MRRF: variants seen among roughly 807,000 people sequenced by gnomAD.
MRRF encodes the protein ribosome-recycling factor, mitochondrial.
A neutral mutation model predicts 25.1 loss-of-function variants in MRRF; 18 were observed. That is an observed-to-expected ratio of 0.72 (90% CI 0.50 to 1.06). The LOEUF (loss-of-function observed/expected upper bound fraction) is 1.06. Ranked by LOEUF, MRRF falls within the 50% of genes least tolerant of loss-of-function variation. The pLI is 0.00. For missense variants in MRRF, 323 were observed against 319.3 expected, an observed-to-expected ratio of 1.01 and a Z score of -0.09; for synonymous variants, 113 against 112.1, an observed-to-expected ratio of 1.01 and a Z score of -0.05.
Position 122,331,168 on chromosome 9 carries a change from G to A in MRRF, c.*8551G>A, listed in dbSNP as rs1373207573. ...TTCTCTGGTTTCCAATGAGGCCAGAGAACCTGTGCTGATCCCTAACATCTT... is the reference window on the plus strand; with the variant it reads ...TTCTCTGGTTTCCAATGAGGCCAGAAAACCTGTGCTGATCCCTAACATCTT... On this transcript the variant is annotated 3_prime_UTR_variant, in exon 7 of 7. Transcript: ENST00000344641. 4 of 152,198 alleles carry A rather than the reference G, an allele frequency of 2.6e-5. No individual in the cohort carries two copies. Among genetic ancestry groups the A allele is most frequent in the Admixed American group, 2.0e-4 (3 of 15,284 alleles). 9.4% of individuals were successfully genotyped at this position (152,198 alleles called of 1,614,324 possible).
rs56124997 is a variant in MRRF at position 122,323,576 on chromosome 9, C to T, written c.*959C>T. ...ACATACCTTTCCTGCAGGGCCTGCC[C>T]ATTGTTGACAGACAAGTAGTTTATT... On this transcript the variant is annotated 3_prime_UTR_variant, in exon 7 of 7. Coordinates refer to ENST00000344641, the MANE Select transcript of MRRF (RefSeq NM_138777.5). The T allele has an allele frequency of 6.6e-6, 1 of 152,180 alleles. No homozygotes were observed. Among genetic ancestry groups the T allele is most frequent in the African/African-American group, 2.4e-5 (1 of 41,434 alleles). The allele number at this position is 152,180 out of a possible 1,614,324, so 9.4% of individuals were successfully genotyped here.
chr9:122,316,201 T>C (rs1212015418), intron 6 of MRRF, among the ~76,000 whole-genome samples: 1 of 152,108 alleles, frequency 6.6e-6, no homozygotes, highest in African/African-American at 2.4e-5. Flanking sequence ...TTTTATTTAT[T>C]TTTTATTTTT....
At chr9:122,281,418 C>T (rs531747947) in intron 3 of MRRF, among the ~76,000 whole-genome samples, 35 of 152,302 alleles carry the variant, frequency 2.3e-4, no homozygotes, top group Non-Finnish European at 2.2e-4. Context: ...AGAAATATTT[C>T]GCTCTTAAGA....
chr9:122,289,717 A>G (rs1325681305), intron 4 of MRRF, among the ~76,000 whole-genome samples: 1 of 152,030 alleles, frequency 6.6e-6, no homozygotes, highest in Admixed American at 6.6e-5. Flanking sequence ...ATTCCAAATT[A>G]AATTTGGCTA....
rs1226621719 is a variant in MRRF at position 122,324,910 on chromosome 9, C to G, written c.*2293C>G. ...CAGCCCTAAGTGGTCATCACATGATCAGAAGTCAGCTGGGGGAAGAGCAGG... is the reference window on the plus strand; with the variant it reads ...CAGCCCTAAGTGGTCATCACATGATGAGAAGTCAGCTGGGGGAAGAGCAGG... On this transcript the variant is annotated 3_prime_UTR_variant, in exon 7 of 7. Coordinates refer to ENST00000344641, the MANE Select transcript of MRRF (RefSeq NM_138777.5). The G allele has an allele frequency of 6.6e-6, 1 of 152,176 alleles. No homozygotes were observed. The highest frequency in any genetic ancestry group is 1.5e-5 in the Non-Finnish European group (1 of 68,056). The allele number at this position is 152,176 out of a possible 1,614,324, so 9.4% of individuals were successfully genotyped here.
intron 5 of MRRF, among the ~76,000 whole-genome samples, chr9:122,301,662 A>G (rs952641454): frequency 3.9e-5 from 6 of 152,012 alleles, no homozygotes; most frequent in Non-Finnish European, 7.4e-5. Flanking sequence ...GAGAGTTAAT[A>G]CTATTTTTTA....
chr9:122,309,312 A>G (rs192043446), intron 5 of MRRF, among the ~76,000 whole-genome samples: 3 of 152,306 alleles, frequency 2.0e-5, no homozygotes, highest in African/African-American at 4.8e-5. Flanking sequence ...CAGTGGATCT[A>G]CTAAGACCTA....
intron 5 of MRRF, among the ~76,000 whole-genome samples, chr9:122,306,294 G>A (rs964335335): frequency 1.3e-5 from 2 of 152,156 alleles, no homozygotes; most frequent in African/African-American, 2.4e-5. Flanking sequence ...TGACAGTTGA[G>A]GAAATAACAG....
intron 4 of MRRF, among the ~76,000 whole-genome samples, chr9:122,290,218 T>C (rs909083897): frequency 6.6e-6 from 1 of 152,142 alleles, no homozygotes; most frequent in Non-Finnish European, 1.5e-5. Context: ...AACTGGAAGT[T>C]TGATGGATGG....
At chr9:122,271,142 G>A (rs1832433002) in intron 2 of MRRF, 67 bp downstream of exon 2, 1 of 1,349,334 alleles carries the variant, frequency 7.4e-7, no homozygotes, top group Admixed American at 1.7e-5. Flanking sequence ...ATTATAGCTG[G>A]CAGGTATCTC....
At chr9:122,266,805 T>C (rs1832122191) in intron 1 of MRRF, among the ~76,000 whole-genome samples, 1 of 152,138 alleles carries the variant, frequency 6.6e-6, no homozygotes, top group Non-Finnish European at 1.5e-5. Flanking sequence ...TTTAAAAAAA[T>C]ATTTCAGTCT....
chr9:122,266,361 C>G (rs1451752282), intron 1 of MRRF, among the ~76,000 whole-genome samples: 1 of 152,176 alleles, frequency 6.6e-6, no homozygotes, highest in Non-Finnish European at 1.5e-5. Flanking sequence ...AAGCCGTCCT[C>G]TGAGGAAGTG....
chr9:122,306,395 T>C (rs929729701), intron 5 of MRRF, among the ~76,000 whole-genome samples: 1 of 152,156 alleles, frequency 6.6e-6, no homozygotes, highest in Non-Finnish European at 1.5e-5. Flanking sequence ...AGGGACCGAA[T>C]GGGAACAGAG....
chr9:122,315,321 T>C (rs889344899), intron 6 of MRRF, among the ~76,000 whole-genome samples: 7 of 152,174 alleles, frequency 4.6e-5, no homozygotes, highest in African/African-American at 1.7e-4. Flanking sequence ...AGCTCTCAGG[T>C]AATTGTGTAA....
intron 5 of MRRF, among the ~76,000 whole-genome samples, chr9:122,296,794 A>G (rs755382337): frequency 9.9e-5 from 15 of 152,126 alleles, no homozygotes; most frequent in East Asian, 1.9e-4. Context: ...TGTTTTACCA[A>G]ATGTCTATGG....
intron 5 of MRRF, among the ~76,000 whole-genome samples, chr9:122,310,658 G>C (rs2118951401): frequency 6.6e-6 from 1 of 152,328 alleles, no homozygotes; most frequent in South Asian, 2.1e-4. Context: ...GGAAAAGGTG[G>C]GCCAGGTCTG....
intron 1 of MRRF, among the ~76,000 whole-genome samples, chr9:122,268,503 C>T (rs200966595): frequency 1.3e-5 from 2 of 152,230 alleles, no homozygotes; most frequent in East Asian, 3.8e-4. Context: ...AGAAACTTCA[C>T]TCTGAGCCAA....
At chr9:122,269,454 G>C (rs1205897257) in intron 1 of MRRF, among the ~76,000 whole-genome samples, 11 of 152,098 alleles carry the variant, frequency 7.2e-5, no homozygotes, top group Admixed American at 7.2e-4. Flanking sequence ...GCCGGGCATG[G>C]TGGCTCACAC....
chr9:122,322,423 G>A, intron 6 of MRRF, 117 bp from the exon 7 acceptor site: 1 of 900,840 alleles, frequency 1.1e-6, no homozygotes, highest in South Asian at 1.4e-5. Context: ...GGTACTTAAT[G>A]TGAACTTTTG....
Sources: gnomAD v4.1 joint callset for allele counts (sites outside exome capture counted in the v4.1 genomes callset) on GRCh38, gnomAD v4.1.1 for gene constraint, MANE v1.5 for transcripts, NCBI Gene and HGNC (gene_info 2026-07-23, HGNC 2026-07-21) for gene names.